The following GLMN variants were observed in gnomAD, a reference collection of about 807,000 sequenced individuals.
GLMN encodes glomulin, FKBP associated protein, also known as glomulin.
A neutral mutation model predicts 87.8 loss-of-function variants in GLMN; 75 were observed. The observed-to-expected ratio is 0.85, with a 90% CI of 0.71 to 1.04. The LOEUF is 1.04. GLMN is among the 50% of genes least tolerant of loss of function. GLMN has a pLI of 0.00. For synonymous variants in GLMN, 206 were observed against 221.6 expected, an observed-to-expected ratio of 0.93 and a Z score of 0.63; for missense variants, 588 against 658.8, an observed-to-expected ratio of 0.89 and a Z score of 1.18.
intron 8 of GLMN, 108 bp from the exon 9 acceptor site, chr1:92,269,884 T>TG: frequency 1.3e-6 from 1 of 759,236 alleles, no homozygotes; most frequent in East Asian, 2.7e-5. Context: ...AAAGATATGT[T>TG]GGAGTCCTAA....
chr1:92,318,428 C>G, the GLMN span, among the ~76,000 whole-genome samples: 1 of 152,180 alleles, frequency 6.6e-6, no homozygotes, highest in African/African-American at 2.4e-5. Flanking sequence ...TGTCTGATAT[C>G]CAAGCCTACA....
chr1:92,361,354 TACTC>T, the GLMN span, among the ~76,000 whole-genome samples: 2 of 152,176 alleles, frequency 1.3e-5, no homozygotes, highest in Non-Finnish European at 2.9e-5. Flanking sequence ...GCCAAGCACT[TACTC>T]TAGCACTTAG....
chr1:92,303,901 T>C, upstream of GLMN: 1 of 918,716 alleles, frequency 1.1e-6, no homozygotes, highest in South Asian at 1.7e-5. Context: ...TCAGATAAGA[T>C]TGATGAGGCT....
the GLMN span, among the ~76,000 whole-genome samples, chr1:92,319,748 C>T: frequency 1.3e-5 from 2 of 152,168 alleles, no homozygotes; most frequent in Admixed American, 6.5e-5. Flanking sequence ...CCTATAATCC[C>T]AGCACTTTGG....
At chr1:92,338,548 T>A in the GLMN span, among the ~76,000 whole-genome samples, 1 of 152,172 alleles carries the variant, frequency 6.6e-6, no homozygotes, top group Non-Finnish European at 1.5e-5. Flanking sequence ...CACTGAAGTT[T>A]AGGATTTGTT....
intron 10 of GLMN, 51 bp downstream of exon 10, chr1:92,268,054 A>G (rs1655849922): frequency 7.2e-7 from 1 of 1,386,538 alleles, no homozygotes; most frequent in African/African-American, 1.4e-5. Context: ...AACAGCTGTT[A>G]TTTGTTGACA....
intron 16 of GLMN, among the ~76,000 whole-genome samples, chr1:92,256,906 G>GCAAA (rs1654347160): frequency 1.3e-5 from 2 of 151,484 alleles, no homozygotes; most frequent in Admixed American, 1.3e-4. Flanking sequence ...TCTGCTCAGG[G>GCAAA]CAATCAGGCA....
intron 16 of GLMN, 112 bp from the exon 17 acceptor site, chr1:92,248,101 C>CA: frequency 1.5e-6 from 1 of 676,004 alleles, no homozygotes; most frequent in Non-Finnish European, 2.7e-6. Flanking sequence ...CCTTGCTTTT[C>CA]ACAATGGACT....
the GLMN span, among the ~76,000 whole-genome samples, chr1:92,336,820 G>A: frequency 2.0e-5 from 3 of 152,024 alleles, no homozygotes; most frequent in African/African-American, 7.3e-5. Flanking sequence ...ACTCTCCTCT[G>A]TGAAGATCAT....
the GLMN span, among the ~76,000 whole-genome samples, chr1:92,326,255 G>T: frequency 0.86 from 131,331 of 152,138 alleles, 57,121 homozygotes; most frequent in East Asian, 1. Context: ...CTGTGATGAT[G>T]AATAAATTCA....
intron 11 of GLMN, among the ~76,000 whole-genome samples, chr1:92,267,198 A>T (rs994781686): frequency 1.3e-5 from 2 of 152,198 alleles, no homozygotes; most frequent in Admixed American, 6.5e-5. Flanking sequence ...CACAATGTGT[A>T]TTAGTCTTTC....
At chr1:92,290,785 C>T (rs573358789) in intron 4 of GLMN, among the ~76,000 whole-genome samples, 8 of 152,352 alleles carry the variant, frequency 5.3e-5, no homozygotes, top group Middle Eastern at 3.4e-3. Context: ...ATGGAGCTCT[C>T]CTTCCAATAT....
intron 16 of GLMN, among the ~76,000 whole-genome samples, chr1:92,255,819 T>C (rs1020138875): frequency 6.6e-6 from 1 of 152,130 alleles, no homozygotes; most frequent in Non-Finnish European, 1.5e-5. Context: ...GGGAAAGATC[T>C]AAAATCGACG....
intron 16 of GLMN, among the ~76,000 whole-genome samples, chr1:92,258,891 A>ATGTATCCC (rs1654628360): frequency 2.0e-5 from 3 of 152,236 alleles, no homozygotes. Context: ...CAGAACTTAA[A>ATGTATCCC]AGTATTGAAA....
chr1:92,351,305 C>CAAAAAAA, the GLMN span, among the ~76,000 whole-genome samples: 26 of 86,838 alleles, frequency 3.0e-4, no homozygotes, highest in African/African-American at 9.2e-4. Flanking sequence ...GACTCTGTCT[C>CAAAAAAA]AAAAAAAAAA....
intron 3 of GLMN, among the ~76,000 whole-genome samples, chr1:92,292,250 T>TCTAGAGTC (rs1393618088): frequency 2.7e-4 from 17 of 63,294 alleles, no homozygotes; most frequent in African/African-American, 1.6e-3. Context: ...CTAGAGTCCT[T>TCTAGAGTC]CTTTAAAAGC....
chr1:92,347,852 CG>C, the GLMN span, among the ~76,000 whole-genome samples: 1 of 152,048 alleles, frequency 6.6e-6, no homozygotes, highest in Non-Finnish European at 1.5e-5. Context: ...ATTGAATTCA[CG>C]GAACAAATTG....
At chr1:92,343,257 G>A in the GLMN span, among the ~76,000 whole-genome samples, 1 of 152,124 alleles carries the variant, frequency 6.6e-6, no homozygotes, top group East Asian at 1.9e-4. Context: ...TTAAGATGAG[G>A]GTTGCGAAAT....
chr1:92,249,744 T>C (rs1653200428), intron 16 of GLMN, among the ~76,000 whole-genome samples: 1 of 152,128 alleles, frequency 6.6e-6, no homozygotes, highest in African/African-American at 2.4e-5. Flanking sequence ...CTAACTCTTT[T>C]TGTACCCATT....
Sources: allele counts gnomAD v4.1 joint callset (sites outside exome capture counted in the v4.1 genomes callset), GRCh38; gene constraint gnomAD v4.1.1; transcripts MANE v1.5; gene names NCBI Gene and HGNC (gene_info 2026-07-23, HGNC 2026-07-21).